The following SCN3A variants were observed in gnomAD, a reference collection of about 807,000 sequenced individuals.
The protein encoded by SCN3A is sodium voltage-gated channel alpha subunit 3, also known as sodium channel protein type 3 subunit alpha.
A neutral mutation model predicts 187.6 loss-of-function variants in SCN3A; 60 were observed. The observed-to-expected ratio is 0.32, with a 90% CI of 0.26 to 0.40. The LOEUF is 0.40. SCN3A is among the 10% of genes least tolerant of loss of function. SCN3A has a pLI of 1.00. For synonymous variants in SCN3A, 788 were observed against 829.2 expected, an observed-to-expected ratio of 0.95 and a Z score of 0.85; for missense variants, 1,601 against 2,428.2, an observed-to-expected ratio of 0.66 and a Z score of 7.16.
rs558407270 is a variant in SCN3A at position 165,156,512 on chromosome 2, C to CAA, written c.1032-611_1032-610dup. 3.1e-4 allele frequency among the ~76,000 whole-genome samples: 20 copies of CAA among 63,700 alleles called. 1 individual carries two copies. Among genetic ancestry groups the CAA allele is most frequent in the Non-Finnish European group, 4.1e-4 (14 of 34,282 alleles). The allele number at this position is 63,700 out of a possible 152,430, so 41.8% of individuals were successfully genotyped here. A position where few individuals can be genotyped will look rare whatever the true frequency, so the allele number is the denominator to read the frequency against. On this transcript the variant is annotated intron_variant, in intron 9 of 27. Transcript: ENST00000283254. ...TGGGTGACAGAGCGAGACTCTGACT[C>CAA]AAAAAAAAAAAAAAAAAAAAAAAAA... is the stretch of plus-strand genomic sequence containing the variant.
At chr2:165,106,215 G>C (rs887101876) in intron 21 of SCN3A, among the ~76,000 whole-genome samples, 1 of 151,970 alleles carries the variant, frequency 6.6e-6, no homozygotes, top group African/African-American at 2.4e-5. Context: ...TATGTGCAGT[G>C]GGGGAGGGGT....
intron 6 of SCN3A, 120 bp from the exon 7 acceptor site, chr2:165,163,829 C>T (rs1196890946): frequency 1.2e-6 from 2 of 1,613,674 alleles, no homozygotes; most frequent in African/African-American, 1.3e-5. Context: ...GTTTTCAGAG[C>T]TCTCAAGACT....
At chr2:165,156,460 C>A (rs1281145008) in intron 9 of SCN3A, among the ~76,000 whole-genome samples, 16 of 123,888 alleles carry the variant, frequency 1.3e-4, no homozygotes, top group Non-Finnish European at 2.4e-4. Context: ...TTGCAGTGAG[C>A]CGATATTGTG....
intron 23 of SCN3A, 156 bp downstream of exon 23, chr2:165,097,096 C>A (rs1310904821): frequency 1.4e-6 from 1 of 713,172 alleles, no homozygotes; most frequent in Non-Finnish European, 2.3e-6. Flanking sequence ...ATTGTAACAT[C>A]TTTTTTATGA....
intron 1 of SCN3A, among the ~76,000 whole-genome samples, chr2:165,190,347 A>G (rs905439349): frequency 3.3e-5 from 5 of 151,920 alleles, no homozygotes; most frequent in Non-Finnish European, 5.9e-5. Context: ...TATAAAATTC[A>G]TTTCTTCCTT....
At chr2:165,153,693 G>A (rs1688835488) in intron 11 of SCN3A, among the ~76,000 whole-genome samples, 2 of 152,060 alleles carry the variant, frequency 1.3e-5, no homozygotes, top group Admixed American at 6.6e-5. Flanking sequence ...TATTAGAATG[G>A]CTAAAATTAA....
At chr2:165,197,804 C>T (rs1023155173) in intron 1 of SCN3A, among the ~76,000 whole-genome samples, 1 of 151,756 alleles carries the variant, frequency 6.6e-6, no homozygotes, top group African/African-American at 2.4e-5. Context: ...TTTGCCTGTT[C>T]TTCCAAAGCT....
intron 12 of SCN3A, among the ~76,000 whole-genome samples, chr2:165,142,967 G>A (rs981206324): frequency 6.6e-6 from 1 of 152,014 alleles, no homozygotes; most frequent in African/African-American, 2.4e-5. Flanking sequence ...GGTCAAGCTG[G>A]CCTCGAACTC....
In SCN3A at chr2:165,113,939, T is replaced by C. The variant is rs1334056852; in HGVS notation, c.3546A>G (p.Val1182=). The C allele has an allele frequency of 1.2e-6, 2 of 1,609,182 alleles. No homozygotes were observed. The change falls in exon 20 of 28, where the codon GTA becomes GTG. Residue 1182 remains valine, a synonymous_variant. Transcript: ENST00000283254. ...GCIKKFPFCQ[V]STEEGKGKIW... The stretch of plus-strand genomic sequence containing the variant: ...TCTTCCCTTTGCCTTCTTCTGTACT[T>C]ACTTGACAGAATGGAAACTTTTTAA...
Position 165,176,449 on chromosome 2 carries a change from A to G in SCN3A, c.-50-5T>C. 1 of 1,609,458 alleles carries G rather than the reference A, an allele frequency of 6.2e-7. No homozygotes were observed. On this transcript the variant is annotated splice_polypyrimidine_tract_variant and splice_region_variant and intron_variant, in intron 2 of 27. Transcript: ENST00000283254. Reference sequence around the variant, plus strand: ...AGCTTCTTGCATACGAATTACCTGCAATAAAAGAAAAATTGCACAAGAGTT... The same window carrying G: ...AGCTTCTTGCATACGAATTACCTGCGATAAAAGAAAAATTGCACAAGAGTT...
intron 1 of SCN3A, among the ~76,000 whole-genome samples, chr2:165,191,487 A>C (rs963074624): frequency 1.3e-5 from 2 of 152,010 alleles, no homozygotes; most frequent in Non-Finnish European, 2.9e-5. Context: ...CTCCTCCCTC[A>C]GTTCTCTGTA....
intron 18 of SCN3A, among the ~76,000 whole-genome samples, chr2:165,127,342 T>A (rs1687055941): frequency 6.6e-6 from 1 of 152,166 alleles, no homozygotes; most frequent in Non-Finnish European, 1.5e-5. Context: ...ATTACAGGCA[T>A]GAGCCACCAT....
At chr2:165,098,813 A>G (rs1463162902) in intron 22 of SCN3A, among the ~76,000 whole-genome samples, 1 of 152,160 alleles carries the variant, frequency 6.6e-6, no homozygotes, top group Non-Finnish European at 1.5e-5. Context: ...CTAAACTTTG[A>G]ATATTTTTCA....
intron 15 of SCN3A, among the ~76,000 whole-genome samples, chr2:165,132,411 T>C (rs1334820923): frequency 2.6e-5 from 4 of 152,158 alleles, no homozygotes; most frequent in Admixed American, 6.5e-5. Flanking sequence ...CAAAACAGCA[T>C]GGTACTTGTA....
chr2:165,106,193 C>T (rs1259855921), intron 21 of SCN3A, among the ~76,000 whole-genome samples: 1 of 152,146 alleles, frequency 6.6e-6, no homozygotes, highest in African/African-American at 2.4e-5. Context: ...TTCACTTAAA[C>T]ATTCCAAACA....
At position 165,091,417 on chromosome 2, in the gene SCN3A, G is replaced by A. The variant is rs555562994; in HGVS notation, c.4808-72C>T. The A allele has an allele frequency of 1.3e-5, 20 of 1,572,430 alleles. No homozygotes were observed. The East Asian group carries it at 4.3e-4, about 34-fold the overall frequency. ...ACATGATGGCTTTATCTTTTTTAAGGTCTATGAACACAACAAACTTGTTAT... is the reference window on the plus strand; with the variant it reads ...ACATGATGGCTTTATCTTTTTTAAGATCTATGAACACAACAAACTTGTTAT... On this transcript the variant is annotated intron_variant, in intron 27 of 27. Coordinates refer to ENST00000283254, the MANE Select transcript of SCN3A (RefSeq NM_006922.4).
intron 11 of SCN3A, among the ~76,000 whole-genome samples, chr2:165,149,533 T>C (rs1214751437): frequency 2.0e-5 from 3 of 152,190 alleles, no homozygotes; most frequent in Admixed American, 6.5e-5. Flanking sequence ...ACAGTTCAAA[T>C]AACTCAAAAC....
intron 3 of SCN3A, among the ~76,000 whole-genome samples, chr2:165,171,438 AC>A (rs1279271297): frequency 6.6e-6 from 1 of 152,002 alleles, no homozygotes; most frequent in Non-Finnish European, 1.5e-5. Context: ...ACCTACAGTG[AC>A]CCCCTATTAT....
rs59172781 is a variant in SCN3A at position 165,162,127 on chromosome 2, T to G, written c.1031+181A>C. 0.23 allele frequency among the ~76,000 whole-genome samples: 34,351 copies of G among 151,934 alleles called. 5,060 individuals are homozygous for G. The highest frequency in any genetic ancestry group is 0.52 in the East Asian group (2,667 of 5,132). ...TCTTCACAAAGGGATAATTTTTAAT[T>G]GCTGTGAGTTTAGGACCAGTGGCAA... On this transcript the variant is annotated intron_variant, in intron 9 of 27. Transcript: ENST00000283254.
Sources: gnomAD v4.1 joint callset for allele counts (sites outside exome capture counted in the v4.1 genomes callset) on GRCh38, gnomAD v4.1.1 for gene constraint, MANE v1.5 for transcripts, NCBI Gene and HGNC (gene_info 2026-07-23, HGNC 2026-07-21) for gene names.